UNC79: variants seen among roughly 807,000 people sequenced by gnomAD.
UNC79 encodes unc-79 subunit of NALCN channel complex.
A neutral mutation model predicts 283.1 loss-of-function variants in UNC79; 37 were observed. The ratio of observed to expected loss-of-function variants is 0.13; its 90% CI spans 0.10 to 0.17. UNC79 has a LOEUF of 0.17. UNC79 is among the 10% of genes least tolerant of loss of function. The probability of loss-of-function intolerance (pLI) is 1.00; values close to 1 mark genes in which losing one functional copy is unlikely to be tolerated. For synonymous variants in UNC79, 1,107 were observed against 1,200.2 expected, an observed-to-expected ratio of 0.92 and a Z score of 1.61; for missense variants, 2,272 against 3,211.1, an observed-to-expected ratio of 0.71 and a Z score of 7.07.
At chr14:93,565,099 C>T (rs1252175174) in intron 14 of UNC79, among the ~76,000 whole-genome samples, 10 of 152,190 alleles carry the variant, frequency 6.6e-5, no homozygotes, top group Admixed American at 6.5e-4. Context: ...GTCCATTGAG[C>T]AGGCACATCT....
At chr14:93,457,991 AAAAT>A (rs1316981355) in intron 1 of UNC79, among the ~76,000 whole-genome samples, 1 of 152,256 alleles carries the variant, frequency 6.6e-6, no homozygotes, top group Non-Finnish European at 1.5e-5. Flanking sequence ...TCAAGAGAAA[AAAAT>A]AAAAAGGTTT....
intron 14 of UNC79, among the ~76,000 whole-genome samples, chr14:93,569,845 G>C (rs2063115272): frequency 6.6e-6 from 1 of 152,058 alleles, no homozygotes; most frequent in Middle Eastern, 3.2e-3. Flanking sequence ...TTTTGGGATT[G>C]GTAAGAAGGA....
upstream of UNC79, among the ~76,000 whole-genome samples, chr14:93,425,696 C>CACATAA (rs1412592552): frequency 6.6e-6 from 1 of 152,112 alleles, no homozygotes; most frequent in African/African-American, 2.4e-5. Flanking sequence ...CCCCACTTCA[C>CACATAA]ACATAAACAT....
chr14:93,334,160 T>G (rs1051613257), intron 1 of UNC79, among the ~76,000 whole-genome samples: 1 of 152,258 alleles, frequency 6.6e-6, no homozygotes, highest in African/African-American at 2.4e-5. Flanking sequence ...GACCCTCCAT[T>G]ATTTTATGCT....
chr14:93,501,369 A>G (rs2059279655), intron 7 of UNC79, among the ~76,000 whole-genome samples: 1 of 152,018 alleles, frequency 6.6e-6, no homozygotes, highest in African/African-American at 2.4e-5. Context: ...TTTTTTTTTA[A>G]AAAGGAAAAT....
chr14:93,582,133 T>C (rs1413621026), intron 19 of UNC79, 70 bp from the exon 20 acceptor site: 11 of 1,598,500 alleles, frequency 6.9e-6, no homozygotes, highest in African/African-American at 1.3e-5. Flanking sequence ...CCAGCTTTGC[T>C]GAGCTGAGCA....
chr14:93,660,171 T>C (rs2071388430), intron 39 of UNC79, among the ~76,000 whole-genome samples: 1 of 152,170 alleles, frequency 6.6e-6, no homozygotes, highest in African/African-American at 2.4e-5. Flanking sequence ...ACAATGTACG[T>C]ATTCTGCAAC....
intron 1 of UNC79, among the ~76,000 whole-genome samples, chr14:93,358,436 A>C (rs528689639): frequency 6.6e-6 from 1 of 152,266 alleles, no homozygotes; most frequent in Non-Finnish European, 1.5e-5. Flanking sequence ...CCTGAATGAG[A>C]GTCTTATCTC....
intron 7 of UNC79, among the ~76,000 whole-genome samples, chr14:93,506,045 T>A (rs1595683392): frequency 6.6e-6 from 1 of 152,150 alleles, no homozygotes; most frequent in East Asian, 1.9e-4. Context: ...TTCCTTTTTC[T>A]TGCTATTTTC....
chr14:93,365,384 C>CAAA (rs34673069), intron 1 of UNC79, among the ~76,000 whole-genome samples: 62 of 108,114 alleles, frequency 5.7e-4, no homozygotes, highest in African/African-American at 1.2e-3. Context: ...TACTCCATCT[C>CAAA]AAAAAAAAAA....
chr14:93,707,756 C>G (rs936675050), downstream of UNC79: 1 of 152,234 alleles, frequency 6.6e-6, no homozygotes, highest in African/African-American at 2.4e-5. Context: ...CTATACCTAG[C>G]GTTGGACTGT....
rs987614913 is a variant in UNC79 at position 93,621,241 on chromosome 14, T to C, written c.4388-380T>C. 6.6e-6 allele frequency among the ~76,000 whole-genome samples: 1 copy of C among 152,164 alleles called. No individual in the cohort carries two copies. The highest frequency in any genetic ancestry group is 2.4e-5 in the African/African-American group (1 of 41,444). On this transcript the variant is annotated intron_variant, in intron 29 of 48. Coordinates refer to ENST00000555664, the Ensembl canonical transcript of UNC79. This position sits in a 1 kb window ranked among gnomAD's most constrained non-coding sequence, Gnocchi z 4.8. Reference sequence around the variant, plus strand: ...ATACATCATTAATGTCATGATCGTCTTTGAGAGCCATTGCTTGATTTGATT... The same window carrying C: ...ATACATCATTAATGTCATGATCGTCCTTGAGAGCCATTGCTTGATTTGATT...
chr14:93,646,511 T>C, intron 34 of UNC79, 97 bp from the exon 38 acceptor site: 1 of 1,207,656 alleles, frequency 8.3e-7, no homozygotes, highest in South Asian at 1.3e-5. Flanking sequence ...TGTCTCCCCA[T>C]CTAAACTGGA....
At chr14:93,686,442 A>G in intron 42 of UNC79, 130 bp from the exon 46 acceptor site, 1 of 901,770 alleles carries the variant, frequency 1.1e-6, no homozygotes, top group Non-Finnish European at 1.7e-6. Flanking sequence ...CCAAGCTGAG[A>G]GTAATGGAGT....
intron 47 of UNC79, among the ~76,000 whole-genome samples, chr14:93,697,727 A>G (rs950349051): frequency 5.9e-5 from 9 of 152,154 alleles, no homozygotes; most frequent in Non-Finnish European, 1.2e-4. Context: ...ACAGCCTGGC[A>G]GCATATTGAG....
intron 1 of UNC79, among the ~76,000 whole-genome samples, chr14:93,450,990 T>C (rs1030697620): frequency 6.6e-6 from 1 of 152,178 alleles, no homozygotes; most frequent in African/African-American, 2.4e-5. Context: ...AAACCTTCTA[T>C]TGATTATTCC....
chr14:93,617,345 T>C lies in UNC79; in HGVS notation c.4224+41T>C. The C allele has an allele frequency of 6.2e-7, 1 of 1,603,640 alleles. No homozygotes were observed. Among genetic ancestry groups the C allele is most frequent in the African/African-American group, 1.3e-5 (1 of 74,782 alleles). ...ACTGCTGTTTTGGATGCAATGGTTCTCTTAGAGAGCATATAGCATTAGGAG... is the reference window on the plus strand; with the variant it reads ...ACTGCTGTTTTGGATGCAATGGTTCCCTTAGAGAGCATATAGCATTAGGAG... On this transcript the variant is annotated intron_variant, in intron 28 of 48. Coordinates refer to ENST00000555664, the Ensembl canonical transcript of UNC79. The surrounding 1 kb of genome is among the most constrained non-coding windows in gnomAD (Gnocchi z 4.5).
intron 40 of UNC79, among the ~76,000 whole-genome samples, chr14:93,670,617 A>G (rs1330422172): frequency 6.6e-6 from 1 of 152,182 alleles, no homozygotes; most frequent in Non-Finnish European, 1.5e-5. Context: ...AAGCTCTCCA[A>G]ACCCTTTTCT....
intron 40 of UNC79, among the ~76,000 whole-genome samples, chr14:93,663,497 T>C (rs1277792218): frequency 6.6e-6 from 1 of 152,242 alleles, no homozygotes; most frequent in African/African-American, 2.4e-5. Flanking sequence ...AGAATGTTTC[T>C]TATTCATGTT....
Sources: gnomAD v4.1 joint callset for allele counts (sites outside exome capture counted in the v4.1 genomes callset) on GRCh38, gnomAD v4.1.1 for gene constraint, Gnocchi (gnomAD v3.1) non-coding constraint, MANE v1.5 for transcripts, NCBI Gene and HGNC (gene_info 2026-07-23, HGNC 2026-07-21) for gene names.